Variants in ZSCAN21 observed in about 807,000 individuals in gnomAD.
ZSCAN21 encodes zinc finger and SCAN domain-containing protein 21.
In ZSCAN21, 26 loss-of-function variants were observed where a neutral mutation model predicts 35.6. That is an observed-to-expected ratio of 0.73 (90% CI 0.54 to 1.01). ZSCAN21 has a LOEUF of 1.01. Among genes scored for constraint, ZSCAN21 ranks in the 50% least tolerant of loss-of-function variants. ZSCAN21 has a pLI of 0.00. For synonymous variants in ZSCAN21, 219 were observed against 219.3 expected (o/e 1.00, Z 0.01); for missense variants, 593 against 587.1 (o/e 1.01, Z -0.10).
At chr7:100,053,349 A>G (rs1412823272) in intron 1 of ZSCAN21, among the ~76,000 whole-genome samples, 1 of 151,934 alleles carries the variant, frequency 6.6e-6, no homozygotes, top group Non-Finnish European at 1.5e-5. Context: ...GTGTGATGCC[A>G]GCAGGTGCTG....
chr7:100,060,908 G>A (rs142663665), intron 3 of ZSCAN21, among the ~76,000 whole-genome samples: 42 of 147,260 alleles, frequency 2.9e-4, no homozygotes, highest in South Asian at 8.7e-4. Context: ...AAAATTAGTC[G>A]AGTGTATTGG....
intron 1 of ZSCAN21, among the ~76,000 whole-genome samples, chr7:100,054,385 G>A (rs1459960166): frequency 2.0e-5 from 3 of 151,570 alleles, no homozygotes; most frequent in African/African-American, 7.3e-5. Context: ...ATGTAGTTGG[G>A]ATCACAGGTG....
intron 1 of ZSCAN21, among the ~76,000 whole-genome samples, chr7:100,050,450 T>C (rs1791818492): frequency 6.6e-6 from 1 of 152,160 alleles, no homozygotes; most frequent in African/African-American, 2.4e-5. Context: ...CTCACGCCTG[T>C]AATCCCAGCA....
At position 100,049,802 on chromosome 7, in the gene ZSCAN21, C is replaced by G. The variant is rs1357316748; in HGVS notation, c.-136C>G. ...TCCGGGTGCGCGGTCCCGAGGTACG[C>G]GGTGCGGTCTCCCGGTACCCGGAGC... On this transcript the variant is annotated 5_prime_UTR_variant, in exon 1 of 4. Transcript: ENST00000292450. The G allele has an allele frequency of 6.6e-6, 1 of 152,266 alleles. No individual in the cohort carries two copies. Among genetic ancestry groups the G allele is most frequent in the African/African-American group, 2.4e-5 (1 of 41,468 alleles). The allele number at this position is 152,266 out of a possible 1,614,324, so 9.4% of individuals were successfully genotyped here.
rs2116177683 is a variant in ZSCAN21 at position 100,064,181 on chromosome 7, T to C, written c.986T>C (p.Val329Ala). The C allele has an allele frequency of 6.2e-7, 1 of 1,613,950 alleles. No individual in the cohort carries two copies. Among genetic ancestry groups the C allele is most frequent in the East Asian group, 2.2e-5 (1 of 44,862 alleles). ...ACCCTCCACTACAGAACACACTTGG[T>C]GGACCGGCCCTATGACTGTAAGTGT... is the stretch of plus-strand genomic sequence containing the variant. ...NLTLHYRTHL[V>A]DRPYDCKCGK... The change falls in exon 4 of 4, where the codon GTG (valine) becomes GCG (alanine). Residue 329 changes from valine (V) to alanine (A), a missense_variant. Physicochemically the swap from Val to Ala is moderately conservative, Grantham distance 64. Coordinates refer to ENST00000292450, the MANE Select transcript of ZSCAN21 (RefSeq NM_145914.3).
At chr7:100,062,087 C>A (rs1358454367) in intron 3 of ZSCAN21, among the ~76,000 whole-genome samples, 1 of 152,106 alleles carries the variant, frequency 6.6e-6, no homozygotes, top group African/African-American at 2.4e-5. Context: ...CTGATTGATA[C>A]GGATCTGGGG....
intron 3 of ZSCAN21, among the ~76,000 whole-genome samples, chr7:100,058,493 T>G (rs891721686): frequency 6.6e-6 from 1 of 152,170 alleles, no homozygotes; most frequent in South Asian, 2.1e-4. Flanking sequence ...GTGCAGCCCT[T>G]AGGGTCAGCT....
At chr7:100,052,070 T>A (rs1323377580) in intron 1 of ZSCAN21, among the ~76,000 whole-genome samples, 1 of 152,116 alleles carries the variant, frequency 6.6e-6, no homozygotes, top group Non-Finnish European at 1.5e-5. Context: ...ACTTCGTTTC[T>A]ACAAAAATAA....
At chr7:100,059,887 T>G (rs1562847648) in intron 3 of ZSCAN21, among the ~76,000 whole-genome samples, 2 of 152,124 alleles carry the variant, frequency 1.3e-5, no homozygotes, top group Non-Finnish European at 2.9e-5. Flanking sequence ...TTTTTGTATT[T>G]TTGGTAGAGA....
chr7:100,051,282 C>CTTTTTTATTTTTTTTTTTTTTTTT (rs1791864323), intron 1 of ZSCAN21, among the ~76,000 whole-genome samples: 1 of 34,948 alleles, frequency 2.9e-5, no homozygotes, highest in African/African-American at 1.0e-4. Context: ...TAGGGATTTT[C>CTTTTTTATTTTTTTTTTTTTTTTT]TTTTTTTTTT....
chr7:100,064,868 A>T lies in ZSCAN21; in HGVS notation c.*251A>T. The T allele has an allele frequency of 6.2e-7, 1 of 1,610,564 alleles. No individual in the cohort carries two copies. Among genetic ancestry groups the T allele is most frequent in the Non-Finnish European group, 8.5e-7 (1 of 1,178,626 alleles). ...GCCACACTTAGGGTCCCAGTAAGCC[A>T]TGCCAGCATTACCTTTTGCGTAGTT... On this transcript the variant is annotated 3_prime_UTR_variant, in exon 4 of 4. Coordinates refer to ENST00000292450, the MANE Select transcript of ZSCAN21 (RefSeq NM_145914.3).
intron 3 of ZSCAN21, among the ~76,000 whole-genome samples, chr7:100,062,884 A>C (rs1365804024): frequency 6.6e-6 from 1 of 152,106 alleles, no homozygotes; most frequent in Non-Finnish European, 1.5e-5. Flanking sequence ...AAAATAAATA[A>C]ATAAAATAAA....
rs1792526357 is a variant in ZSCAN21 at position 100,064,449 on chromosome 7, T to A, written c.1254T>A (p.Cys418Ter). 1.2e-6 allele frequency: 2 copies of A among 1,613,660 alleles called. No homozygotes were observed. Among genetic ancestry groups the A allele is most frequent in the Non-Finnish European group, 1.7e-6 (2 of 1,179,952 alleles). Residue 418 changes from cysteine (C) to a stop codon, truncating the protein, a stop_gained, in exon 4 of 4, where the codon TGT becomes TGA. Transcript: ENST00000292450. LOFTEE classifies it high-confidence loss of function. ...ACACCGGAGAGAAGCCATATAAGTG[T>A]AAGGAGTGTGGGAAAGCCTTCAACC... is the stretch of plus-strand genomic sequence containing the variant. ...RLHTGEKPYK[C>*]KECGKAFNHS...
At chr7:100,055,791 A>ACC (rs1792052576) in intron 1 of ZSCAN21, among the ~76,000 whole-genome samples, 2 of 145,132 alleles carry the variant, frequency 1.4e-5, no homozygotes, top group African/African-American at 5.2e-5. Flanking sequence ...AGGCGCCTGC[A>ACC]ACCACGCCCG....
At chr7:100,056,795 G>T in intron 1 of ZSCAN21, 116 bp from the exon 2 acceptor site, 1 of 505,140 alleles carries the variant, frequency 2.0e-6, no homozygotes, top group Non-Finnish European at 3.5e-6. Context: ...AGTTGTTTTT[G>T]TATGGTAGTT....
intron 1 of ZSCAN21, among the ~76,000 whole-genome samples, chr7:100,053,519 T>TTACATACATACATACATACATACATACA (rs56855067): frequency 5.9e-5 from 6 of 101,808 alleles, no homozygotes; most frequent in Non-Finnish European, 1.2e-4. Flanking sequence ...AGGAGGGCTC[T>TTACATACATACATACATACATACATACA]TACATACATA....
At chr7:100,051,295 T>A in intron 1 of ZSCAN21, among the ~76,000 whole-genome samples, 1 of 74,996 alleles carries the variant, frequency 1.3e-5, no homozygotes, top group African/African-American at 4.4e-5. Context: ...TTTTTTTTTT[T>A]TTTTTTTTTT....
At chr7:100,058,143 G>A (rs1043876561) in intron 3 of ZSCAN21, among the ~76,000 whole-genome samples, 4 of 152,152 alleles carry the variant, frequency 2.6e-5, no homozygotes, top group Non-Finnish European at 5.9e-5. Flanking sequence ...TTTTTTTAAA[G>A]GGTCAATTGA....
Position 100,057,319 on chromosome 7 carries a change from G to A in ZSCAN21, c.313G>A (p.Val105Met), listed in dbSNP as rs2116104283. ...TILPQELQAW[V>M]QEHCPESAEE... ...CCTGCCCCAGGAGCTCCAGGCCTGGGTGCAGGAGCATTGCCCGGAGAGCGC... is the reference window on the plus strand; with the variant it reads ...CCTGCCCCAGGAGCTCCAGGCCTGGATGCAGGAGCATTGCCCGGAGAGCGC... The change falls in exon 2 of 4, where the codon GTG becomes ATG. Residue 105 changes from valine to methionine, a missense_variant. Coordinates refer to ENST00000292450, the MANE Select transcript of ZSCAN21 (RefSeq NM_145914.3). 6.2e-7 allele frequency: 1 copy of A among 1,611,254 alleles called. No homozygotes were observed. The highest frequency in any genetic ancestry group is 1.1e-5 in the South Asian group (1 of 90,888).
Sources: allele counts gnomAD v4.1 joint callset (sites outside exome capture counted in the v4.1 genomes callset), GRCh38; gene constraint gnomAD v4.1.1; transcripts MANE v1.5; gene names NCBI Gene and HGNC (gene_info 2026-07-23, HGNC 2026-07-21).